The following CFAP36 variants were observed in gnomAD, a reference collection of about 807,000 sequenced individuals.
CFAP36 encodes cilia- and flagella-associated protein 36.
A neutral mutation model predicts 50.5 loss-of-function variants in CFAP36; 37 were observed. The observed-to-expected ratio is 0.73, with a 90% CI of 0.56 to 0.96. The LOEUF (loss-of-function observed/expected upper bound fraction) is 0.96, where lower values mean the gene tolerates loss of function less well. Ranked by LOEUF, CFAP36 falls within the 50% of genes least tolerant of loss-of-function variation. CFAP36 has a pLI of 0.00. For synonymous variants in CFAP36, 138 were observed against 128.2 expected (o/e 1.08, Z -0.52); for missense variants, 407 against 396.2 (o/e 1.03, Z -0.23).
At chr2:55,543,521 A>G (rs1359462883) in intron 7 of CFAP36, among the ~76,000 whole-genome samples, 1 of 152,202 alleles carries the variant, frequency 6.6e-6, no homozygotes. Context: ...AATTGTTCTG[A>G]AAGTATAGGG....
intron 7 of CFAP36, chr2:55,538,826 ACTTACCTTGGTC>A: frequency 6.5e-7 from 1 of 1,537,580 alleles, no homozygotes; most frequent in Non-Finnish European, 8.7e-7. Context: ...TGAAATTATG[ACTTACCTTGGTC>A]TTCTGACACT....
chr2:55,526,326 G>A (rs1192082763), intron 3 of CFAP36, among the ~76,000 whole-genome samples: 1 of 152,186 alleles, frequency 6.6e-6, no homozygotes, highest in Non-Finnish European at 1.5e-5. Context: ...AAATTGTCTT[G>A]TTATGATGGC....
rs1684720623 is a variant in CFAP36 at position 55,544,389 on chromosome 2, G to A, written c.927+20G>A. On this transcript the variant is annotated intron_variant, in intron 9 of 9. Transcript: ENST00000349456. ...GTAGAGGTATGGCTAGCCTTAATAT[G>A]TCAAGATTTACAAATCTGGTGGTGG... 3 of 1,582,076 alleles carry A rather than the reference G, an allele frequency of 1.9e-6. No homozygotes were observed. The highest frequency in any genetic ancestry group is 1.4e-5 in the African/African-American group (1 of 73,134).
intron 6 of CFAP36, among the ~76,000 whole-genome samples, chr2:55,536,830 T>C (rs1452758131): frequency 6.6e-6 from 1 of 152,058 alleles, no homozygotes; most frequent in Non-Finnish European, 1.5e-5. Context: ...CTGCAACCTC[T>C]GCCTCCCAGG....
Position 55,519,769 on chromosome 2 carries a change from T to G in CFAP36, c.-33T>G. On this transcript the variant is annotated 5_prime_UTR_variant, in exon 1 of 10. Coordinates refer to ENST00000349456, the MANE Select transcript of CFAP36 (RefSeq NM_080667.7). ...CTAACCGGGGTCCGGCGGTCTGGCCTAGGGATCTTCCCCGTTGCCCCTTTG... is the reference window on the plus strand; with the variant it reads ...CTAACCGGGGTCCGGCGGTCTGGCCGAGGGATCTTCCCCGTTGCCCCTTTG... The G allele has an allele frequency of 6.2e-7, 1 of 1,611,426 alleles. No individual in the cohort carries two copies.
At chr2:55,537,895 G>A (rs1408201040) in intron 7 of CFAP36, among the ~76,000 whole-genome samples, 1 of 152,188 alleles carries the variant, frequency 6.6e-6, no homozygotes, top group Non-Finnish European at 1.5e-5. Context: ...ATAACATTTG[G>A]TATTCTCTTC....
chr2:55,528,115 A>G (rs746899024), intron 3 of CFAP36, among the ~76,000 whole-genome samples: 24 of 151,492 alleles, frequency 1.6e-4, no homozygotes, highest in Non-Finnish European at 2.9e-4. Flanking sequence ...AGCCTCCCAA[A>G]GTGCTGGGAT....
intron 6 of CFAP36, among the ~76,000 whole-genome samples, chr2:55,536,238 T>G (rs918157569): frequency 4.0e-5 from 6 of 151,736 alleles, no homozygotes; most frequent in African/African-American, 1.5e-4. Flanking sequence ...GTTCAAGCGA[T>G]TCTCCTGCCT....
chr2:55,527,819 TAAC>T (rs1011923035), intron 3 of CFAP36, among the ~76,000 whole-genome samples: 7 of 151,532 alleles, frequency 4.6e-5, no homozygotes, highest in African/African-American at 1.7e-4. Flanking sequence ...TGGAAATAAA[TAAC>T]AAAAGATAAT....
At chr2:55,523,920 AT>A in intron 3 of CFAP36, 98 bp downstream of exon 3, 1 of 715,886 alleles carries the variant, frequency 1.4e-6, no homozygotes, top group Non-Finnish European at 2.2e-6. Context: ...AAAGTGTAAT[AT>A]TTTAGACATT....
At position 55,544,328 on chromosome 2, in the gene CFAP36, C is replaced by A. The variant is rs200593801; in HGVS notation, c.886C>A (p.Gln296Lys). Residue 296 changes from glutamine (Q) to lysine (K), a missense_variant, in exon 9 of 10, where the codon CAA (glutamine) becomes AAA (lysine). Transcript: ENST00000349456. ...AAAGGATATGAGGACTAAACAGATA[C>A]AAAATATGGAGCAGAAAGGAAAACC... ...MRKDMRTKQI[Q>K]NMEQKGKPTG... The A allele has an allele frequency of 1.2e-6, 2 of 1,613,490 alleles. No homozygotes were observed. The highest frequency in any genetic ancestry group is 2.2e-5 in the East Asian group (1 of 44,812).
intron 3 of CFAP36, among the ~76,000 whole-genome samples, chr2:55,525,137 C>G (rs6750696): frequency 6.6e-6 from 1 of 152,246 alleles, no homozygotes; most frequent in South Asian, 2.1e-4. Context: ...GGATATGTTG[C>G]TACTACCCAA....
intron 7 of CFAP36, chr2:55,538,624 G>A: frequency 5.1e-6 from 3 of 588,056 alleles, no homozygotes; most frequent in East Asian, 3.1e-5. Flanking sequence ...AATTATTTTT[G>A]TTGAGTCGGG....
chr2:55,538,353 GGT>G (rs1684547420), intron 7 of CFAP36, among the ~76,000 whole-genome samples: 1 of 146,622 alleles, frequency 6.8e-6, no homozygotes, highest in African/African-American at 2.5e-5. Flanking sequence ...AGAGTGCAAT[GGT>G]GTGATCTCGG....
chr2:55,521,619 G>A (rs1574610186), intron 1 of CFAP36, among the ~76,000 whole-genome samples: 2 of 146,130 alleles, frequency 1.4e-5, no homozygotes, highest in South Asian at 2.2e-4. Flanking sequence ...GTGTGTGTGT[G>A]TGTATATTTT....
intron 4 of CFAP36, among the ~76,000 whole-genome samples, chr2:55,529,863 G>A (rs1198560395): frequency 6.6e-6 from 1 of 152,000 alleles, no homozygotes; most frequent in Non-Finnish European, 1.5e-5. Context: ...AGCCAGGATG[G>A]TCTCGATCTC....
intron 3 of CFAP36, among the ~76,000 whole-genome samples, chr2:55,527,928 GGGA>G (rs1035515439): frequency 1.3e-5 from 2 of 152,052 alleles, no homozygotes; most frequent in African/African-American, 4.8e-5. Flanking sequence ...CCAGCACTTT[GGGA>G]GGCCAAGGTG....
intron 3 of CFAP36, among the ~76,000 whole-genome samples, chr2:55,527,442 T>A (rs1027465036): frequency 5.9e-5 from 9 of 151,928 alleles, no homozygotes; most frequent in African/African-American, 2.2e-4. Flanking sequence ...ATTAGCCGGG[T>A]GTGGTAGTGG....
At chr2:55,524,395 C>T (rs61067080) in intron 3 of CFAP36, among the ~76,000 whole-genome samples, 3,597 of 150,014 alleles carry the variant, frequency 0.024, 147 homozygotes, top group African/African-American at 0.083. Flanking sequence ...GCTGGGACTA[C>T]AGGTGCCGCA....
Sources: gnomAD v4.1 joint callset for allele counts (sites outside exome capture counted in the v4.1 genomes callset) on GRCh38, gnomAD v4.1.1 for gene constraint, MANE v1.5 for transcripts, NCBI Gene and HGNC (gene_info 2026-07-23, HGNC 2026-07-21) for gene names.